The following MTMR14 variants were observed in gnomAD, a reference collection of about 807,000 sequenced individuals.
MTMR14 encodes phosphatidylinositol-3,5-bisphosphate 3-phosphatase MTMR14.
A neutral mutation model predicts 86.3 loss-of-function variants in MTMR14; 48 were observed. The observed-to-expected ratio is 0.56, with a 90% CI of 0.44 to 0.71. The LOEUF is 0.71. MTMR14 is among the 30% of genes least tolerant of loss of function. The probability of loss-of-function intolerance (pLI) is 0.00; values close to 1 mark genes in which losing one functional copy is unlikely to be tolerated. For synonymous variants in MTMR14, 366 were observed against 326.1 expected (o/e 1.12, Z -1.32); for missense variants, 780 against 834.6 (o/e 0.93, Z 0.81).
rs757146213 is a variant in MTMR14, at chr3:9,701,993, T to C, written c.*20T>C. ...TTGTGAAGAAGCCAGCCCATGACATTTTCCTGCTCCTCTCTCAGCTGAGCC... is the reference window on the plus strand; with the variant it reads ...TTGTGAAGAAGCCAGCCCATGACATCTTCCTGCTCCTCTCTCAGCTGAGCC... On this transcript the variant is annotated 3_prime_UTR_variant, in exon 19 of 19. Coordinates refer to ENST00000296003, the MANE Select transcript of MTMR14 (RefSeq NM_001077525.3). This position sits in a 1 kb window ranked among gnomAD's most constrained non-coding sequence, Gnocchi z 4.2. The C allele has an allele frequency of 6.2e-7, 1 of 1,613,788 alleles. No homozygotes were observed. The highest frequency in any genetic ancestry group is 1.7e-5 in the Admixed American group (1 of 60,028).
chr3:9,689,032 C>G lies in MTMR14; in HGVS notation c.1383C>G (p.Thr461=), dbSNP rs1408621281. Residue 461 remains threonine (T), a synonymous_variant, in exon 16 of 19, where the codon ACC becomes ACG. Transcript: ENST00000296003. The part of the protein sequence containing the change: ...ESSPGATGSF[T]YEAVELVPAG... ...CCCCAGGAGCCACTGGGAGCTTCAC[C>G]TATGAGGCCGTGGAGCTGGTCCCAG... 1 of 1,613,698 alleles carries G rather than the reference C, an allele frequency of 6.2e-7. No homozygotes were observed. The highest frequency in any genetic ancestry group is 2.2e-5 in the East Asian group (1 of 44,896).
intron 3 of MTMR14, 145 bp downstream of exon 3, chr3:9,662,520 A>G (rs2047999999): frequency 1.4e-6 from 1 of 730,346 alleles, no homozygotes; most frequent in Non-Finnish European, 2.5e-6. Flanking sequence ...GTCCAGAGAA[A>G]CAGACCAATT....
Position 9,702,049 on chromosome 3 carries a change from G to A in MTMR14, c.*76G>A, listed in dbSNP as rs973577213. On this transcript the variant is annotated 3_prime_UTR_variant, in exon 19 of 19. Transcript: ENST00000296003. The stretch of plus-strand genomic sequence containing the variant: ...CAGAGAATCAAAGCCATGCCTGGCC[G>A]AAGGGGTACTTCCAGGTCAGGGGAA... 9.8e-5 allele frequency: 154 copies of A among 1,579,042 alleles called. No homozygotes were observed. The highest frequency in any genetic ancestry group is 1.1e-4 in the Non-Finnish European group (129 of 1,152,364).
intron 6 of MTMR14, among the ~76,000 whole-genome samples, chr3:9,671,665 T>C (rs2048572524): frequency 6.6e-6 from 1 of 152,190 alleles, no homozygotes; most frequent in African/African-American, 2.4e-5. Context: ...GAATTTCTTT[T>C]AAAATTGAAC....
chr3:9,655,524 G>T (rs1428540119), intron 2 of MTMR14, among the ~76,000 whole-genome samples: 3 of 125,908 alleles, frequency 2.4e-5, no homozygotes, highest in Non-Finnish European at 4.8e-5. Context: ...GCAGTGGCAC[G>T]ATCTTGGCTC....
chr3:9,670,922 T>G lies in MTMR14; in HGVS notation c.555-126T>G, dbSNP rs553801191. The G allele has an allele frequency of 1.8e-5, 23 of 1,253,120 alleles. No individual in the cohort carries two copies. In the East Asian group the frequency reaches 5.4e-4, roughly 29 times the overall value. 77.6% of individuals were successfully genotyped at this position (1,253,120 alleles called of 1,614,324 possible). ...AGTTGTCCTGTTTGGCACCCATGCG[T>G]CCACCTAGCACACGCCCCAGCTTCT... On this transcript the variant is annotated intron_variant, in intron 5 of 18. Transcript: ENST00000296003.
rs2047988481 is a variant in MTMR14 at position 9,662,326 on chromosome 3, C to T, written c.368C>T (p.Ala123Val). Residue 123 changes from alanine to valine, a missense_variant, in exon 3 of 19, where the codon GCC becomes GTC. Coordinates refer to ENST00000296003, the MANE Select transcript of MTMR14 (RefSeq NM_001077525.3). ...LQDLIHRSKM[A>V]RCRGRFVCPV... is the part of the protein sequence containing the mutation. Reference sequence around the variant, plus strand: ...GACCTCATCCACCGCAGCAAGATGGCCCGGTGCAGAGGACGGTTTGTCTGC... The same window carrying T: ...GACCTCATCCACCGCAGCAAGATGGTCCGGTGCAGAGGACGGTTTGTCTGC... The T allele has an allele frequency of 6.2e-7, 1 of 1,613,532 alleles. No homozygotes were observed. Among genetic ancestry groups the T allele is most frequent in the African/African-American group, 1.3e-5 (1 of 74,828 alleles).
In MTMR14 at chr3:9,662,329, G is replaced by A. The variant is rs368196455; in HGVS notation, c.371G>A (p.Arg124Gln). Reference protein sequence around the residue: ...QDLIHRSKMARCRGRFVCPVI... With the variant: ...QDLIHRSKMAQCRGRFVCPVI... ...CTCATCCACCGCAGCAAGATGGCCCGGTGCAGAGGACGGTTTGTCTGCCCA... is the reference window on the plus strand; with the variant it reads ...CTCATCCACCGCAGCAAGATGGCCCAGTGCAGAGGACGGTTTGTCTGCCCA... The change falls in exon 3 of 19, where the codon CGG becomes CAG. Residue 124 changes from arginine to glutamine, a missense_variant. By Grantham distance (43) the Arg-to-Gln change is conservative (BLOSUM62 1). Transcript: ENST00000296003. 51 of 1,613,538 alleles carry A rather than the reference G, an allele frequency of 3.2e-5. No homozygotes were observed. The highest frequency in any genetic ancestry group is 2.7e-5 in the African/African-American group (2 of 74,802).
chr3:9,650,292 G>C (rs574728010), intron 1 of MTMR14: 4 of 456,530 alleles, frequency 8.8e-6, no homozygotes, highest in South Asian at 4.6e-5. Context: ...GCAGGTCTCC[G>C]TTCCTCTTTT....
intron 7 of MTMR14, among the ~76,000 whole-genome samples, 162 bp downstream of exon 7, chr3:9,672,920 A>T (rs1407774605): frequency 6.6e-6 from 1 of 152,188 alleles, no homozygotes; most frequent in East Asian, 1.9e-4. Context: ...GGCCACACTA[A>T]GCATAGGATA....
intron 17 of MTMR14, among the ~76,000 whole-genome samples, chr3:9,692,591 G>A (rs1433090445): frequency 1.3e-5 from 2 of 152,084 alleles, no homozygotes; most frequent in Non-Finnish European, 2.9e-5. Flanking sequence ...CCTCGGCCTC[G>A]GCCTCTGCTC....
At chr3:9,685,532 C>T (rs1295059176) in intron 13 of MTMR14, among the ~76,000 whole-genome samples, 1 of 152,138 alleles carries the variant, frequency 6.6e-6, no homozygotes, top group East Asian at 1.9e-4. Flanking sequence ...CTCTCACAGG[C>T]CACTTGTTCT....
At chr3:9,672,545 C>T (rs2048626022) in intron 6 of MTMR14, 140 bp from the exon 7 acceptor site, 2 of 773,560 alleles carry the variant, frequency 2.6e-6, no homozygotes, top group Admixed American at 3.9e-5. Context: ...AAAGTAGGCA[C>T]TGCTGAAGGG....
intron 2 of MTMR14, among the ~76,000 whole-genome samples, chr3:9,657,873 T>C (rs1006444774): frequency 9.9e-5 from 15 of 152,130 alleles, no homozygotes; most frequent in African/African-American, 2.2e-4. Flanking sequence ...ATAGATGAAG[T>C]TGAAGCCCAG....
intron 1 of MTMR14, among the ~76,000 whole-genome samples, chr3:9,650,036 G>T (rs2047186622): frequency 6.6e-6 from 1 of 151,912 alleles, no homozygotes; most frequent in African/African-American, 2.4e-5. Context: ...CAGAGAGGAG[G>T]ACCTAAGGAA....
Position 9,649,657 on chromosome 3 carries a change from A to G in MTMR14, c.74A>G (p.Gln25Arg), listed in dbSNP as rs771839057. Residue 25 changes from glutamine to arginine, a missense_variant, in exon 1 of 19, where the codon CAG becomes CGG. By Grantham distance (43) the Gln-to-Arg change is conservative. Coordinates refer to ENST00000296003, the MANE Select transcript of MTMR14 (RefSeq NM_001077525.3). ...SSASSGNQPP[Q>R]ELGLGELLEE... ...GCCTCTTCAGGCAACCAGCCGCCTC[A>G]GGAGCTGGGGCTTGGGGAGCTGCTG... 1.4e-5 allele frequency: 22 copies of G among 1,595,926 alleles called. No individual in the cohort carries two copies. The highest frequency in any genetic ancestry group is 1.9e-5 in the Non-Finnish European group (22 of 1,171,760).
At chr3:9,679,192 G>A (rs1161811893) in intron 9 of MTMR14, among the ~76,000 whole-genome samples, 1 of 152,222 alleles carries the variant, frequency 6.6e-6, no homozygotes, top group Non-Finnish European at 1.5e-5. Context: ...ATGAAGTAGG[G>A]TGATGTCAGA....
chr3:9,652,381 C>T (rs1390214974), intron 1 of MTMR14, among the ~76,000 whole-genome samples: 2 of 152,184 alleles, frequency 1.3e-5, no homozygotes, highest in Non-Finnish European at 2.9e-5. Flanking sequence ...ATTTCACCAG[C>T]AAGTTGTGTA....
intron 18 of MTMR14, among the ~76,000 whole-genome samples, chr3:9,698,571 G>T (rs1271832874): frequency 6.6e-6 from 1 of 152,240 alleles, no homozygotes; most frequent in Non-Finnish European, 1.5e-5. Flanking sequence ...CATACCATGG[G>T]CTGGATGAAT....
Sources: allele counts gnomAD v4.1 joint callset (sites outside exome capture counted in the v4.1 genomes callset), GRCh38; gene constraint gnomAD v4.1.1; non-coding constraint Gnocchi (gnomAD v3.1); transcripts MANE v1.5; gene names NCBI Gene and HGNC (gene_info 2026-07-23, HGNC 2026-07-21).